SYT16: variants seen among roughly 807,000 people sequenced by gnomAD.
The protein encoded by SYT16 is synaptotagmin-16.
Under a neutral mutation model 61.4 loss-of-function variants are expected in SYT16, and 42 were observed. The ratio of observed to expected loss-of-function variants is 0.68; its 90% CI spans 0.53 to 0.89. SYT16 has a LOEUF of 0.89. SYT16 is among the 40% of genes least tolerant of loss of function. SYT16 has a pLI of 0.00. For missense variants in SYT16, 804 were observed against 807.3 expected (o/e 1.00, Z 0.05); for synonymous variants, 314 against 302.3 (o/e 1.04, Z -0.40).
chr14:62,058,516 A>ACCATGC (rs769576230), intron 3 of SYT16, among the ~76,000 whole-genome samples: 4 of 151,556 alleles, frequency 2.6e-5, no homozygotes, highest in Non-Finnish European at 5.9e-5. Flanking sequence ...GGCATGTGTC[A>ACCATGC]CCATGCCCAG....
rs572269479 is a variant in SYT16 at position 61,814,676 on chromosome 14, T to A, written c.-325+1866T>A. Among the ~76,000 whole-genome samples, 137 of 152,342 alleles carry A rather than the reference T, an allele frequency of 9.0e-4. 1 individual carries two copies. The highest frequency in any genetic ancestry group is 1.5e-3 in the Admixed American group (23 of 15,300). ...TCAGCTCTTGACCAGTTTTTTAGGC[T>A]CAATCTTATGTTCTTTCTTAGCTGA... is the stretch of plus-strand genomic sequence containing the variant. On this transcript the variant is annotated intron_variant, in intron 1 of 7. Transcript: ENST00000683842.
At chr14:62,046,395 C>G (rs148163039) in intron 3 of SYT16, among the ~76,000 whole-genome samples, 2 of 151,584 alleles carry the variant, frequency 1.3e-5, no homozygotes, top group Non-Finnish European at 2.9e-5. Flanking sequence ...TTCTCCCATT[C>G]TGTAGGTTGC....
chr14:61,947,443 A>ATAGGT lies in SYT16; in HGVS notation c.-324-22685_-324-22684insTTAGG. 1.3e-5 allele frequency among the ~76,000 whole-genome samples: 2 copies of ATAGGT among 152,088 alleles called. 1 individual carries two copies. Among genetic ancestry groups the ATAGGT allele is most frequent in the East Asian group, 3.9e-4 (2 of 5,184 alleles). On this transcript the variant is annotated intron_variant, in intron 1 of 7. Coordinates refer to ENST00000683842, the MANE Select transcript of SYT16 (RefSeq NM_001367656.1). ...CCAGAACCACTGAGGCACCTAAAGC[A>ATAGGT]TAGGACAAGAGCAGCAGAGCCATGT...
At chr14:61,821,288 A>T (rs1237331847) in intron 1 of SYT16, among the ~76,000 whole-genome samples, 1 of 152,126 alleles carries the variant, frequency 6.6e-6, no homozygotes. Flanking sequence ...TTTAGTGGTG[A>T]TAATTAGAAT....
At chr14:62,029,401 G>T (rs1457475469) in intron 3 of SYT16, among the ~76,000 whole-genome samples, 1 of 152,192 alleles carries the variant, frequency 6.6e-6, no homozygotes, top group Non-Finnish European at 1.5e-5. Flanking sequence ...TTCATGCTGG[G>T]AATAGGCGTC....
At chr14:61,990,221 C>T (rs1214682699) in intron 2 of SYT16, among the ~76,000 whole-genome samples, 2 of 152,136 alleles carry the variant, frequency 1.3e-5, no homozygotes, top group African/African-American at 2.4e-5. Flanking sequence ...CAGGTCTATG[C>T]AAAATGTCTT....
rs935913266 is a variant in SYT16, at chr14:62,100,653, G to C, written c.1884G>C (p.Met628Ile). Residue 628 changes from methionine to isoleucine, a missense_variant, in exon 8 of 8, where the codon ATG becomes ATC. Physicochemically the swap from Met to Ile is conservative, Grantham distance 10. Transcript: ENST00000683842. ...AGGAACAAGATCACTGGGAGGAGAT[G>C]AAGGAAACCAAAGGCCAGCAGATCT... ...GEEEQDHWEE[M>I]KETKGQQICR... 6.2e-7 allele frequency: 1 copy of C among 1,613,740 alleles called. No individual in the cohort carries two copies. Among genetic ancestry groups the C allele is most frequent in the Non-Finnish European group, 8.5e-7 (1 of 1,179,826 alleles).
chr14:61,991,356 G>GTGTGTGTGTA (rs1196489520), intron 2 of SYT16, among the ~76,000 whole-genome samples: 1 of 151,746 alleles, frequency 6.6e-6, no homozygotes, highest in Non-Finnish European at 1.5e-5. Flanking sequence ...GTGTGTGTGT[G>GTGTGTGTGTA]TGTGTGTTTT....
At position 62,100,828 on chromosome 14, in the gene SYT16, A is replaced by C; in HGVS notation, c.*121A>C. ...AAAACAGATTCCACTAACCCCTAGG[A>C]CATTGTGAGTGGGAGTTTTGGGTTT... On this transcript the variant is annotated 3_prime_UTR_variant, in exon 8 of 8. Transcript: ENST00000683842. 1 of 1,001,986 alleles carries C rather than the reference A, an allele frequency of 1.0e-6. No individual in the cohort carries two copies. Among genetic ancestry groups the C allele is most frequent in the Non-Finnish European group, 1.4e-6 (1 of 700,772 alleles). The allele number at this position is 1,001,986 out of a possible 1,614,324, so 62.1% of individuals were successfully genotyped here.
intron 1 of SYT16, among the ~76,000 whole-genome samples, chr14:61,936,057 A>C (rs2049968695): frequency 6.6e-6 from 1 of 152,112 alleles, no homozygotes; most frequent in East Asian, 1.9e-4. Context: ...TAGAAAAAAA[A>C]CCTCTGAGAT....
intron 1 of SYT16, among the ~76,000 whole-genome samples, chr14:61,824,194 C>G (rs1666906687): frequency 6.6e-6 from 1 of 152,134 alleles, no homozygotes; most frequent in African/African-American, 2.4e-5. Context: ...GAATCCGTCA[C>G]TCATTTTATT....
At chr14:62,043,268 T>C (rs2054814417) in intron 3 of SYT16, among the ~76,000 whole-genome samples, 1 of 152,154 alleles carries the variant, frequency 6.6e-6, no homozygotes, top group Non-Finnish European at 1.5e-5. Context: ...GAATTATCTC[T>C]GAGGAATGCT....
chr14:62,000,099 A>ATTTTTTTTTTTTTTTTTTTTTT, intron 3 of SYT16, among the ~76,000 whole-genome samples: 2 of 18,942 alleles, frequency 1.1e-4, no homozygotes, highest in Non-Finnish European at 1.7e-4. Flanking sequence ...TTGTCTCTCG[A>ATTTTTTTTTTTTTTTTTTTTTT]TTTTTTTTTT....
chr14:62,048,508 C>A (rs1333600691), intron 3 of SYT16, among the ~76,000 whole-genome samples: 1 of 152,000 alleles, frequency 6.6e-6, no homozygotes, highest in Non-Finnish European at 1.5e-5. Context: ...TTATTTCTTG[C>A]CTTCTGCTAG....
At chr14:62,040,512 T>C (rs1466197349) in intron 3 of SYT16, among the ~76,000 whole-genome samples, 3 of 152,210 alleles carry the variant, frequency 2.0e-5, no homozygotes, top group East Asian at 1.9e-4. Context: ...TTAACATTTT[T>C]TGTTTTGCAG....
chr14:61,892,571 C>G (rs755250070), intron 1 of SYT16, among the ~76,000 whole-genome samples: 3 of 152,150 alleles, frequency 2.0e-5, no homozygotes, highest in Non-Finnish European at 2.9e-5. Context: ...GACTTGTATC[C>G]CCAGCTTGGC....
chr14:61,865,210 G>A (rs2047108520), intron 1 of SYT16: 1 of 1,103,136 alleles, frequency 9.1e-7, no homozygotes. Flanking sequence ...AGCGACTTCT[G>A]GATTCTGGGG....
intron 2 of SYT16, among the ~76,000 whole-genome samples, chr14:61,993,227 C>A (rs2052628039): frequency 6.7e-6 from 1 of 149,638 alleles, no homozygotes; most frequent in African/African-American, 2.5e-5. Context: ...AACACATGGA[C>A]ACAGGAAGGG....
At chr14:61,822,334 C>T (rs780525455) in intron 1 of SYT16, among the ~76,000 whole-genome samples, 13 of 152,276 alleles carry the variant, frequency 8.5e-5, no homozygotes, top group African/African-American at 2.9e-4. Context: ...TCTTTGTCCT[C>T]GTGGGGCCAC....
Sources: gnomAD v4.1 joint callset for allele counts (sites outside exome capture counted in the v4.1 genomes callset) on GRCh38, gnomAD v4.1.1 for gene constraint, MANE v1.5 for transcripts, NCBI Gene and HGNC (gene_info 2026-07-23, HGNC 2026-07-21) for gene names.